Variants in OPLAH observed in about 807,000 individuals in gnomAD.
The protein encoded by OPLAH is 5-oxoprolinase, ATP-hydrolysing, also known as 5-oxoprolinase.
A neutral mutation model predicts 122.8 loss-of-function variants in OPLAH; 103 were observed. The ratio of observed to expected loss-of-function variants is 0.84; its 90% CI spans 0.71 to 0.99. OPLAH has a LOEUF of 0.99. OPLAH is among the 50% of genes least tolerant of loss of function. The pLI is 0.00. For synonymous variants in OPLAH, 875 were observed against 796.0 expected (o/e 1.10, Z -1.67); for missense variants, 1,902 against 1,836.5 (o/e 1.04, Z -0.65).
At chr8:144,058,918 C>A (rs782541795) in intron 4 of OPLAH, 22 bp from the exon 5 acceptor site, 2 of 1,549,860 alleles carry the variant, frequency 1.3e-6, no homozygotes, top group South Asian at 1.2e-5. Flanking sequence ...GCCCAGGAGG[C>A]CCCGTTAAAG....
At position 144,058,534 on chromosome 8, in the gene OPLAH, C is replaced by A. The variant is rs201505787; in HGVS notation, c.745G>T (p.Val249Leu). 18 of 1,596,400 alleles carry A rather than the reference C, an allele frequency of 1.1e-5. No homozygotes were observed. Among genetic ancestry groups the A allele is most frequent in the Non-Finnish European group, 1.4e-5 (17 of 1,176,716 alleles). Residue 249 changes from valine (V) to leucine (L), a missense_variant, in exon 6 of 27, where the codon GTG (valine) becomes TTG (leucine). By Grantham distance (32) the Val-to-Leu change is conservative (BLOSUM62 1). Around this residue, in one of 3 missense-constraint regions of OPLAH, gnomAD observed 1,726 missense variants for 1,642.1 expected, o/e 1.05. Coordinates refer to ENST00000618853, the MANE Select transcript of OPLAH (RefSeq NM_017570.5). ...TGGAAGCCACGGCAGAAGCCCTGCA[C>A]GTAGCGCTGGATGGCGGGCGTGAGG... is the stretch of plus-strand genomic sequence containing the variant. ...AYLTPAIQRY[V>L]QGFCRGFQGQ...
rs781839720 is a variant in OPLAH at position 144,058,111 on chromosome 8, G to A, written c.987C>T (p.Phe329=). The change falls in exon 8 of 27, where the codon TTC becomes TTT. Residue 329 remains phenylalanine (F), a synonymous_variant. Transcript: ENST00000618853. ...CTGTGCTGGCCTCGAAGACGTGCTC[G>A]AATTCCCCAGCATAGCGGCTCACAT... ...STDVSRYAGE[F]EHVFEASTAG... is the part of the protein sequence containing the mutation. The A allele has an allele frequency of 2.0e-5, 33 of 1,612,428 alleles. No individual in the cohort carries two copies. Among genetic ancestry groups the A allele is most frequent in the East Asian group, 2.0e-4 (9 of 44,896 alleles).
In OPLAH at chr8:144,055,869, C is replaced by A. The variant is rs1464192824; in HGVS notation, c.2167G>T (p.Ala723Ser). ...GGGCCCACTGTGCCGGGGACTTCGG[C>A]CCCCACGGAGATGCAGATGTCCCCT... ...KTGDICISVG[A>S]EVPGTVGPQL... is the part of the protein sequence containing the mutation. Residue 723 changes from alanine to serine, a missense_variant, in exon 16 of 27, where the codon GCC becomes TCC. Around this residue, in one of 3 missense-constraint regions of OPLAH, gnomAD observed 1,726 missense variants for 1,642.1 expected, o/e 1.05. Coordinates refer to ENST00000618853, the MANE Select transcript of OPLAH (RefSeq NM_017570.5). The surrounding 1 kb of genome is among the most constrained non-coding windows in gnomAD (Gnocchi z 6.5). The A allele has an allele frequency of 3.2e-6, 5 of 1,581,538 alleles. No homozygotes were observed. The Admixed American group carries it at 5.4e-5, about 17-fold the overall frequency.
At chr8:144,058,731 C>A (rs1554760126) in intron 5 of OPLAH, 40 bp from the exon 6 acceptor site, 9 of 1,581,848 alleles carry the variant, frequency 5.7e-6, no homozygotes, top group South Asian at 1.1e-5. Flanking sequence ...TCCCACCAGG[C>A]CCGGCACCTG....
Position 144,053,004 on chromosome 8 carries a change from A to G in OPLAH, c.2997T>C (p.Arg999=). The change falls in exon 21 of 27, where the codon CGT becomes CGC. Residue 999 remains arginine (R), a synonymous_variant. Transcript: ENST00000618853. ...HMDDGSPIRL[R]VQISLSQGSA... ...CCACCTGACTCAGGCTGATCTGCAC[A>G]CGGAGGCGGATGGGGGAACCGTCGT... The G allele has an allele frequency of 6.2e-7, 1 of 1,602,690 alleles. No homozygotes were observed. The highest frequency in any genetic ancestry group is 1.1e-5 in the South Asian group (1 of 89,220).
rs782026761 is a variant in OPLAH, at chr8:144,052,565, G to C, written c.3187C>G (p.Arg1063Gly). The C allele has an allele frequency of 7.5e-6, 12 of 1,596,966 alleles. No individual in the cohort carries two copies. The highest frequency in any genetic ancestry group is 1.3e-5 in the African/African-American group (1 of 74,970). The change falls in exon 23 of 27, where the codon CGA becomes GGA. Residue 1063 changes from arginine to glycine, a missense_variant. Coordinates refer to ENST00000618853, the MANE Select transcript of OPLAH (RefSeq NM_017570.5). ...CLAPVRVVIP[R>G]GSILDPSPEA... ...GGCGACGGGTCCAGGATGGAGCCTC[G>C]GGGAATGACCACGCGCACTGGCGCC... is the stretch of plus-strand genomic sequence containing the variant.
In OPLAH at chr8:144,053,399, T is replaced by G; in HGVS notation, c.2687-6A>C. ...CCGCAGGGCCTCCGTCACCGCTGGA[T>G]GGACAGTGTCATCACTGAGCCCCTG... On this transcript the variant is annotated splice_polypyrimidine_tract_variant and splice_region_variant and intron_variant, in intron 19 of 26. Transcript: ENST00000618853. The G allele has an allele frequency of 6.2e-7, 1 of 1,603,938 alleles. No homozygotes were observed. The highest frequency in any genetic ancestry group is 8.5e-7 in the Non-Finnish European group (1 of 1,175,420).
intron 19 of OPLAH, among the ~76,000 whole-genome samples, chr8:144,054,332 C>A (rs1835456252): frequency 6.6e-6 from 1 of 152,328 alleles, no homozygotes; most frequent in East Asian, 1.9e-4. Context: ...GGCTAACTCT[C>A]CACCCGCAAA....
chr8:144,059,185 C>G (rs1010542585), intron 3 of OPLAH, 106 bp from the exon 4 acceptor site: 1 of 932,102 alleles, frequency 1.1e-6, no homozygotes, highest in Non-Finnish European at 1.6e-6. Flanking sequence ...ACAGGCCGGT[C>G]GGCAGGCCCA....
rs782468108 is a variant in OPLAH at position 144,057,917 on chromosome 8, G to A, written c.1095C>T (p.Gly365=). 7 of 1,612,010 alleles carry A rather than the reference G, an allele frequency of 4.3e-6. No individual in the cohort carries two copies. The highest frequency in any genetic ancestry group is 1.7e-5 in the Admixed American group (1 of 59,850). ...GGGSRLFFRS[G]LFVVGPESAG... ...CTGACTCGGGCCCAACCACAAAGAG[G>A]CCAGACCTAGGGGAAGGAAGGGCTG... Residue 365 remains glycine (G), a synonymous_variant, in exon 9 of 27, where the codon GGC becomes GGT. Coordinates refer to ENST00000618853, the MANE Select transcript of OPLAH (RefSeq NM_017570.5).
upstream of OPLAH, among the ~76,000 whole-genome samples, chr8:144,062,851 C>T (rs545914249): frequency 5.8e-4 from 88 of 152,082 alleles, 1 homozygote; most frequent in African/African-American, 1.8e-3. Context: ...CGCTCCCTAG[C>T]GGCATCCCAC....
chr8:144,057,524 C>T lies in OPLAH; in HGVS notation c.1346G>A (p.Ser449Asn), dbSNP rs782806808. Reference sequence around the variant, plus strand: ...GAACCCCATGGCCACCTCCTCCAGGCTCAGCGGGGAGGCCGGGCAGGGCCC... The same window carrying T: ...GAACCCCATGGCCACCTCCTCCAGGTTCAGCGGGGAGGCCGGGCAGGGCCC... ...TNGPCPASPL[S>N]LEEVAMGFVR... The change falls in exon 10 of 27, where the codon AGC becomes AAC. Residue 449 changes from serine (S) to asparagine (N), a missense_variant. Transcript: ENST00000618853. 1.9e-6 allele frequency: 3 copies of T among 1,598,592 alleles called. No individual in the cohort carries two copies. The highest frequency in any genetic ancestry group is 2.2e-5 in the East Asian group (1 of 44,598).
downstream of OPLAH, chr8:144,051,014 C>T (rs1835359971): frequency 8.4e-7 from 1 of 1,193,552 alleles, no homozygotes. Flanking sequence ...GAGCTAAGCC[C>T]TGGAGAGGTC....
At position 144,059,970 on chromosome 8, in the gene OPLAH, G is replaced by C. The variant is rs782154219; in HGVS notation, c.63C>G (p.Val21=). ...AIDRGGTFTD[V]FAQCPGGHVR... ...CGTGCCCCCCTGGGCACTGGGCAAA[G>C]ACGTCTGTGAAGGTACCCCCACGGT... Residue 21 remains valine, a synonymous_variant, in exon 2 of 27, where the codon GTC becomes GTG. Coordinates refer to ENST00000618853, the MANE Select transcript of OPLAH (RefSeq NM_017570.5). The C allele has an allele frequency of 1.2e-6, 2 of 1,612,786 alleles. No individual in the cohort carries two copies. Among genetic ancestry groups the C allele is most frequent in the South Asian group, 2.2e-5 (2 of 91,090 alleles).
At chr8:144,060,357 C>G (rs1835638280) in intron 1 of OPLAH, among the ~76,000 whole-genome samples, 1 of 152,172 alleles carries the variant, frequency 6.6e-6, no homozygotes, top group Admixed American at 6.5e-5. Flanking sequence ...GAGGTGGGGA[C>G]GCCGCTGGAC....
chr8:144,056,522 A>G lies in OPLAH; in HGVS notation c.1846T>C (p.Tyr616His). The change falls in exon 14 of 27, where the codon TAC (tyrosine) becomes CAC (histidine). Residue 616 changes from tyrosine to histidine, a missense_variant and splice_region_variant. This residue lies in a region of OPLAH where 1,726 missense variants were observed against 1,642.1 expected (regional missense o/e 1.05). Transcript: ENST00000618853. ...GDFGAAFVER[Y>H]MREFGFVIPE... ...ATGACAAAGCCAAACTCCCTCATGT[A>G]CCTGCACTCCCCGCGGGGACCCAAG... The G allele has an allele frequency of 6.2e-7, 1 of 1,612,030 alleles. No individual in the cohort carries two copies.
chr8:144,053,017 G>C lies in OPLAH; in HGVS notation c.2984C>G (p.Pro995Arg). The change falls in exon 21 of 27, where the codon CCC (proline) becomes CGC (arginine). Residue 995 changes from proline to arginine, a missense_variant. By Grantham distance (103) the Pro-to-Arg change is moderately radical. This residue lies in a region of OPLAH where 1,726 missense variants were observed against 1,642.1 expected (regional missense o/e 1.05). Coordinates refer to ENST00000618853, the MANE Select transcript of OPLAH (RefSeq NM_017570.5). ...SSEDHMDDGS[P>R]IRLRVQISLS... ...GCTGATCTGCACACGGAGGCGGATG[G>C]GGGAACCGTCGTCCATGTGGTCTTC... The C allele has an allele frequency of 6.2e-7, 1 of 1,603,822 alleles. No individual in the cohort carries two copies. The highest frequency in any genetic ancestry group is 2.2e-5 in the East Asian group (1 of 44,484).
chr8:144,057,451 C>T lies in OPLAH; in HGVS notation c.1419G>A (p.Thr473=), dbSNP rs370766388. ...GGGAGAGCAGAGGTGGACGTACCTGCGTGAGTGCACGGATGGGCCGGCACA... is the reference window on the plus strand; with the variant it reads ...GGGAGAGCAGAGGTGGACGTACCTGTGTGAGTGCACGGATGGGCCGGCACA... ...EAMCRPIRAL[T]QARGHDPSAH... Residue 473 remains threonine, a synonymous_variant, in exon 10 of 27, where the codon ACG becomes ACA. Coordinates refer to ENST00000618853, the MANE Select transcript of OPLAH (RefSeq NM_017570.5). 1.4e-5 allele frequency: 22 copies of T among 1,584,060 alleles called. No individual in the cohort carries two copies. The highest frequency in any genetic ancestry group is 6.9e-5 in the East Asian group (3 of 43,416).
In OPLAH at chr8:144,052,123, C is replaced by T. The variant is rs781825916; in HGVS notation, c.3461+46G>A. The T allele has an allele frequency of 3.9e-6, 6 of 1,548,906 alleles. No individual in the cohort carries two copies. In the South Asian group the frequency reaches 7.2e-5, roughly 18 times the overall value. On this transcript the variant is annotated intron_variant, in intron 24 of 26. Transcript: ENST00000618853. ...CAAAGACTCAGCGTGGCCCGAGCCC[C>T]GGCTCCCACCCGGCCGTGCCCCCAG... is the stretch of plus-strand genomic sequence containing the variant.
Sources: gnomAD v4.1 joint callset for allele counts (sites outside exome capture counted in the v4.1 genomes callset) on GRCh38, gnomAD v4.1.1 for gene constraint, gnomAD v4.1.1 regional missense constraint, Gnocchi (gnomAD v3.1) non-coding constraint, MANE v1.5 for transcripts, NCBI Gene and HGNC (gene_info 2026-07-23, HGNC 2026-07-21) for gene names.